The following NT5DC2 variants were observed in gnomAD, a reference collection of about 807,000 sequenced individuals.
The protein encoded by NT5DC2 is 5'-nucleotidase domain-containing protein 2.
A neutral mutation model predicts 70.0 loss-of-function variants in NT5DC2; 41 were observed. That is an observed-to-expected ratio of 0.59 (90% CI 0.46 to 0.76). The LOEUF (loss-of-function observed/expected upper bound fraction) is 0.76, where lower values mean the gene tolerates loss of function less well. NT5DC2 is among the 30% of genes least tolerant of loss of function. The pLI is 0.00. For synonymous variants in NT5DC2, 299 were observed against 310.4 expected (o/e 0.96, Z 0.39); for missense variants, 705 against 783.2 (o/e 0.90, Z 1.19).
chr3:52,530,152 CATTGCT>C (rs1460549162), intron 1 of NT5DC2, among the ~76,000 whole-genome samples: 2 of 152,238 alleles, frequency 1.3e-5, no homozygotes, highest in Non-Finnish European at 2.9e-5. Flanking sequence ...AGCCAGGGAA[CATTGCT>C]AATTACGACA....
Position 52,529,369 on chromosome 3 carries a change from GA to G in NT5DC2, c.233-36del, listed in dbSNP as rs779690153. The G allele has an allele frequency of 3.1e-6, 5 of 1,598,966 alleles. No homozygotes were observed. The highest frequency in any genetic ancestry group is 4.3e-6 in the Non-Finnish European group (5 of 1,169,852). ...GGAGATGCAGGGAGGCAGTGATGGG[GA>G]TGATGATCCCTGCAGCAGCTATGGC... On this transcript the variant is annotated intron_variant, in intron 1 of 13. Coordinates refer to ENST00000422318, the MANE Select transcript of NT5DC2 (RefSeq NM_001134231.2). The surrounding 1 kb of genome is among the most constrained non-coding windows in gnomAD (Gnocchi z 4.1).
chr3:52,532,472 A>G, intron 1 of NT5DC2: 1 of 985,312 alleles, frequency 1.0e-6, no homozygotes, highest in Non-Finnish European at 1.2e-6. Flanking sequence ...TCCTGCCTTT[A>G]CTGGTCAAGA....
intron 10 of NT5DC2, 73 bp downstream of exon 10, chr3:52,527,221 C>G (rs1575386684): frequency 7.2e-7 from 1 of 1,395,062 alleles, no homozygotes; most frequent in Non-Finnish European, 1.0e-6. Flanking sequence ...TCAGAGGCTG[C>G]CTCTGCACAG....
chr3:52,528,094 T>C, intron 6 of NT5DC2, 21 bp from the exon 7 acceptor site: 2 of 1,612,788 alleles, frequency 1.2e-6, no homozygotes, highest in South Asian at 2.2e-5. Flanking sequence ...TGGAGGACAA[T>C]GAGGGTACAG....
At position 52,527,624 on chromosome 3, in the gene NT5DC2, G is replaced by A. The variant is rs751375576; in HGVS notation, c.1030C>T (p.Arg344Trp). 1.3e-5 allele frequency: 21 copies of A among 1,612,718 alleles called. No individual in the cohort carries two copies. Among genetic ancestry groups the A allele is most frequent in the Admixed American group, 1.2e-4 (7 of 59,990 alleles). ...CCCCCACCATGCCCATACTTGCGCCGGTCAGTGAAGAAGCTGGGCTTGTCT... is the reference window on the plus strand; with the variant it reads ...CCCCCACCATGCCCATACTTGCGCCAGTCAGTGAAGAAGCTGGGCTTGTCT... The part of the protein sequence containing the change: ...QADKPSFFTD[R>W]RKPFRKLDEK... The change falls in exon 9 of 14, where the codon CGG becomes TGG. Residue 344 changes from arginine to tryptophan, a missense_variant. Coordinates refer to ENST00000422318, the MANE Select transcript of NT5DC2 (RefSeq NM_001134231.2).
chr3:52,529,862 C>T lies in NT5DC2; in HGVS notation c.233-528G>A, dbSNP rs1461351322. Reference sequence around the variant, plus strand: ...CCTGCCCCCTGGCCTCATCTCTCAGCCTCCCTGGGATTATGTGTGAGGATA... The same window carrying T: ...CCTGCCCCCTGGCCTCATCTCTCAGTCTCCCTGGGATTATGTGTGAGGATA... On this transcript the variant is annotated intron_variant, in intron 1 of 13. Coordinates refer to ENST00000422318, the MANE Select transcript of NT5DC2 (RefSeq NM_001134231.2). The surrounding 1 kb of genome is among the most constrained non-coding windows in gnomAD (Gnocchi z 4.1). The T allele has an allele frequency of 6.0e-6, 1 of 166,800 alleles. No individual in the cohort carries two copies. Among genetic ancestry groups the T allele is most frequent in the Non-Finnish European group, 1.3e-5 (1 of 75,234 alleles). 10.3% of individuals were successfully genotyped at this position (166,800 alleles called of 1,614,324 possible). A position where few individuals can be genotyped will look rare whatever the true frequency, so the allele number is the denominator to read the frequency against.
rs762941427 is a variant in NT5DC2 at position 52,528,183 on chromosome 3, C to T, written c.771G>A (p.Thr257=). The T allele has an allele frequency of 5.0e-6, 8 of 1,613,136 alleles. No homozygotes were observed. The highest frequency in any genetic ancestry group is 1.3e-5 in the African/African-American group (1 of 75,054). The part of the protein sequence containing the change: ...FDQAHLYKDV[T]DAIRDVHVKG... Reference sequence around the variant, plus strand: ...CCGAGGGCAGGCCCAGCATCCTCACCGTCACGTCCTTGTAGAGATGTGCTT... The same window carrying T: ...CCGAGGGCAGGCCCAGCATCCTCACTGTCACGTCCTTGTAGAGATGTGCTT... Residue 257 remains threonine, a splice_region_variant and synonymous_variant, in exon 6 of 14, where the codon ACG becomes ACA. Coordinates refer to ENST00000422318, the MANE Select transcript of NT5DC2 (RefSeq NM_001134231.2).
chr3:52,534,893 G>A (rs540774865), upstream of NT5DC2: 83 of 527,824 alleles, frequency 1.6e-4, 2 homozygotes, highest in East Asian at 2.9e-3. Flanking sequence ...GATTGAGGCC[G>A]TAGGATGGGC....
chr3:52,530,530 G>GT (rs1165970136), intron 1 of NT5DC2, among the ~76,000 whole-genome samples: 2 of 152,152 alleles, frequency 1.3e-5, no homozygotes, highest in Non-Finnish European at 2.9e-5. Context: ...TCTTGGGCCT[G>GT]TTTCCTAGTT....
Position 52,527,204 on chromosome 3 carries a change from T to A in NT5DC2, c.1119+90A>T, listed in dbSNP as rs1226644313. 2.1e-4 allele frequency: 263 copies of A among 1,230,234 alleles called. No homozygotes were observed. The African/African-American group carries it at 3.5e-3, about 16-fold the overall frequency. 76.2% of individuals were successfully genotyped at this position (1,230,234 alleles called of 1,614,324 possible). ...GCTGCTCAGGGCCAAGGAGCTGTGC[T>A]GCTTCTTCAGAGGCTGCCTCTGCAC... On this transcript the variant is annotated intron_variant, in intron 10 of 13. Coordinates refer to ENST00000422318, the MANE Select transcript of NT5DC2 (RefSeq NM_001134231.2).
At chr3:52,532,832 G>A (rs1324180572) in intron 1 of NT5DC2, among the ~76,000 whole-genome samples, 2 of 152,110 alleles carry the variant, frequency 1.3e-5, no homozygotes, top group African/African-American at 4.8e-5. Flanking sequence ...TCTCAGCTCT[G>A]GGGCCTCACT....
intron 1 of NT5DC2, 103 bp downstream of exon 1, chr3:52,533,403 C>T (rs995627889): frequency 9.2e-5 from 114 of 1,243,056 alleles, no homozygotes; most frequent in Non-Finnish European, 1.2e-4. Flanking sequence ...CCCTGGCGAG[C>T]CCCACTGGGT....
chr3:52,534,283 G>C (rs1330476212), upstream of NT5DC2: 1 of 597,354 alleles, frequency 1.7e-6, no homozygotes, highest in Admixed American at 2.8e-5. Flanking sequence ...CTTTCCCGGG[G>C]TCCTGGTCCC....
chr3:52,527,682 C>G lies in NT5DC2; in HGVS notation c.972G>C (p.Trp324Cys). 1 of 1,613,270 alleles carries G rather than the reference C, an allele frequency of 6.2e-7. No individual in the cohort carries two copies. The highest frequency in any genetic ancestry group is 8.5e-7 in the Non-Finnish European group (1 of 1,180,032). Residue 324 changes from tryptophan (W) to cysteine (C), a missense_variant, in exon 9 of 14, where the codon TGG becomes TGC. Coordinates refer to ENST00000422318, the MANE Select transcript of NT5DC2 (RefSeq NM_001134231.2). ...CAATGACCACATCGAAGAGCTGGCG[C>G]CAATCGGGACCCACCATGTGCCGCA... ...KGMRHMVGPD[W>C]RQLFDVVIVQ...
chr3:52,533,352 G>A (rs1488791245), intron 1 of NT5DC2, among the ~76,000 whole-genome samples, 154 bp downstream of exon 1: 2 of 152,198 alleles, frequency 1.3e-5, no homozygotes, highest in East Asian at 3.9e-4. Flanking sequence ...TGAACGGCCG[G>A]AGCTTCTCGC....
At chr3:52,533,923 C>A (rs1004771469), upstream of NT5DC2, 1 of 772,514 alleles carries the variant, frequency 1.3e-6, no homozygotes, top group Non-Finnish European at 1.6e-6. Context: ...CGGGAGGCCC[C>A]GGACCCGGCG....
At chr3:52,527,178 G>A in intron 10 of NT5DC2, 116 bp downstream of exon 10, 1 of 937,570 alleles carries the variant, frequency 1.1e-6, no homozygotes, top group Non-Finnish European at 1.7e-6. Flanking sequence ...GCCTGTGTGA[G>A]GCTGCTCAGG....
Position 52,531,450 on chromosome 3 carries a change from C to T in NT5DC2, c.232+2056G>A, listed in dbSNP as rs868441122. ...GGTGCAGAAGACCTGGGAGGGTCTG[C>T]TCGGCAGTGCAGCCCCTTGCTGGCA... On this transcript the variant is annotated intron_variant, in intron 1 of 13. Transcript: ENST00000422318. This position sits in a 1 kb window ranked among gnomAD's most constrained non-coding sequence, Gnocchi z 4.1. Among the ~76,000 whole-genome samples, 12 of 152,232 alleles carry T rather than the reference C, an allele frequency of 7.9e-5. No individual in the cohort carries two copies. The highest frequency in any genetic ancestry group is 6.8e-3 in the Middle Eastern group (2 of 294).
chr3:52,525,128 G>A, intron 11 of NT5DC2, 25 bp from the exon 12 acceptor site: 1 of 1,263,258 alleles, frequency 7.9e-7, no homozygotes, highest in Non-Finnish European at 1.1e-6. Flanking sequence ...GGCAGAACTG[G>A]GCTCAGCGCC....
Sources: gnomAD v4.1 joint callset for allele counts (sites outside exome capture counted in the v4.1 genomes callset) on GRCh38, gnomAD v4.1.1 for gene constraint, Gnocchi (gnomAD v3.1) non-coding constraint, MANE v1.5 for transcripts, NCBI Gene and HGNC (gene_info 2026-07-23, HGNC 2026-07-21) for gene names.